The following CDH12 variants were observed in gnomAD, a reference collection of about 807,000 sequenced individuals.
CDH12 encodes the protein cadherin 12.
A neutral mutation model predicts 74.1 loss-of-function variants in CDH12; 41 were observed. The observed-to-expected ratio is 0.55, with a 90% CI of 0.43 to 0.72. The LOEUF (loss-of-function observed/expected upper bound fraction) is 0.72, where lower values mean the gene tolerates loss of function less well. Among genes scored for constraint, CDH12 ranks in the 30% least tolerant of loss-of-function variants. The probability of loss-of-function intolerance (pLI) is 0.00; values close to 1 mark genes in which losing one functional copy is unlikely to be tolerated. For synonymous variants in CDH12, 399 were observed against 355.0 expected, an observed-to-expected ratio of 1.12 and a Z score of -1.39; for missense variants, 945 against 977.2, an observed-to-expected ratio of 0.97 and a Z score of 0.44.
chr5:22,497,745 C>A (rs2126650448), intron 2 of CDH12, among the ~76,000 whole-genome samples: 1 of 140,914 alleles, frequency 7.1e-6, no homozygotes, highest in African/African-American at 2.6e-5. Context: ...GAGGTTCAAG[C>A]AATTCTCCTG....
At chr5:22,026,471 T>C (rs1476248985) in intron 5 of CDH12, among the ~76,000 whole-genome samples, 2 of 152,174 alleles carry the variant, frequency 1.3e-5, no homozygotes, top group Non-Finnish European at 2.9e-5. Flanking sequence ...ATTCCCATCA[T>C]GCACCTGATG....
At chr5:22,563,763 G>C (rs1739171331) in intron 1 of CDH12, among the ~76,000 whole-genome samples, 1 of 152,138 alleles carries the variant, frequency 6.6e-6, no homozygotes. Context: ...GGCTGGGGAG[G>C]CCCCACGATC....
intron 9 of CDH12, among the ~76,000 whole-genome samples, chr5:21,814,395 A>C (rs1747928594): frequency 6.6e-6 from 1 of 152,054 alleles, no homozygotes; most frequent in South Asian, 2.1e-4. Flanking sequence ...TATTGCTTTC[A>C]TGATAGTTGA....
At chr5:22,820,951 A>G (rs1749667460) in intron 1 of CDH12, among the ~76,000 whole-genome samples, 1 of 152,196 alleles carries the variant, frequency 6.6e-6, no homozygotes. Flanking sequence ...TTTTAGACCA[A>G]TACCCTTGAT....
intron 3 of CDH12, among the ~76,000 whole-genome samples, chr5:22,313,026 C>T (rs1489815378): frequency 6.6e-6 from 1 of 152,086 alleles, no homozygotes; most frequent in Non-Finnish European, 1.5e-5. Context: ...GTGAAGTGCA[C>T]GTTATCAGCA....
At chr5:22,622,277 G>A (rs145698587) in intron 1 of CDH12, among the ~76,000 whole-genome samples, 2 of 132,998 alleles carry the variant, frequency 1.5e-5, no homozygotes, top group African/African-American at 2.6e-5. Flanking sequence ...AGATGCAACC[G>A]AGAGGAACAT....
At chr5:22,806,387 C>G (rs1283942034) in intron 1 of CDH12, among the ~76,000 whole-genome samples, 12 of 141,394 alleles carry the variant, frequency 8.5e-5, no homozygotes, top group Middle Eastern at 4.3e-3. Flanking sequence ...GAGTCTCGCT[C>G]TGTGGCCCAG....
At chr5:22,223,303 T>C (rs1017182482) in intron 3 of CDH12, among the ~76,000 whole-genome samples, 1 of 152,052 alleles carries the variant, frequency 6.6e-6, no homozygotes, top group African/African-American at 2.4e-5. Flanking sequence ...AAGGTGTCTG[T>C]CAAGTTGCTC....
At chr5:22,120,648 T>C (rs1266339682) in intron 4 of CDH12, among the ~76,000 whole-genome samples, 1 of 152,170 alleles carries the variant, frequency 6.6e-6, no homozygotes, top group Admixed American at 6.5e-5. Context: ...TAAGTAAGAA[T>C]ATAATTTATA....
intron 1 of CDH12, among the ~76,000 whole-genome samples, chr5:22,682,162 C>G (rs1447956641): frequency 6.6e-6 from 1 of 152,030 alleles, no homozygotes; most frequent in Non-Finnish European, 1.5e-5. Flanking sequence ...TGTGCTAGAA[C>G]TTGTTCAATA....
intron 1 of CDH12, among the ~76,000 whole-genome samples, chr5:22,540,013 A>G (rs1461760135): frequency 6.6e-6 from 1 of 152,160 alleles, no homozygotes; most frequent in African/African-American, 2.4e-5. Context: ...CAATTTTCCT[A>G]TTGAATGTCA....
intron 1 of CDH12, among the ~76,000 whole-genome samples, chr5:22,677,368 T>C (rs1341269227): frequency 6.6e-6 from 1 of 152,046 alleles, no homozygotes; most frequent in Non-Finnish European, 1.5e-5. Context: ...GATTTCAAAA[T>C]GTAAAATTTT....
At chr5:22,586,702 T>G (rs1477823897) in intron 1 of CDH12, among the ~76,000 whole-genome samples, 1 of 151,996 alleles carries the variant, frequency 6.6e-6, no homozygotes, top group African/African-American at 2.4e-5. Flanking sequence ...AATATATTTT[T>G]TACTGTATCA....
chr5:22,728,415 C>T (rs1353018420), intron 1 of CDH12, among the ~76,000 whole-genome samples: 3 of 151,744 alleles, frequency 2.0e-5, no homozygotes, highest in South Asian at 2.1e-4. Flanking sequence ...TTGTTTCTTC[C>T]GGTAGTCATT....
intron 4 of CDH12, among the ~76,000 whole-genome samples, chr5:22,117,501 A>ATATT (rs1745229676): frequency 1.4e-5 from 1 of 70,892 alleles, no homozygotes; most frequent in African/African-American, 6.4e-5. Flanking sequence ...ATATATATAT[A>ATATT]ATATATATAT....
rs1756231019 is a variant in CDH12 at position 21,959,133 on chromosome 5, G to A, written c.526+15958C>T. ...GTTTATAGAAATGCTAGTGATTTTT[G>A]TACATTGATTTTCTTTCTAAAACTT... On this transcript the variant is annotated intron_variant, in intron 6 of 14. Coordinates refer to ENST00000382254, the MANE Select transcript of CDH12 (RefSeq NM_004061.5). 2.0e-5 allele frequency among the ~76,000 whole-genome samples: 3 copies of A among 152,306 alleles called. No homozygotes were observed. The South Asian group carries it at 6.2e-4, about 32-fold the overall frequency.
chr5:21,833,520 G>GATATGTAATATAATATATAAT (rs200475189), intron 8 of CDH12, among the ~76,000 whole-genome samples: 1 of 117,196 alleles, frequency 8.5e-6, no homozygotes, highest in African/African-American at 3.2e-5. Context: ...TGGCATATGT[G>GATATGTAATATAATATATAAT]ATATGTCATA....
At chr5:22,219,676 G>A (rs962220651) in intron 3 of CDH12, among the ~76,000 whole-genome samples, 4 of 151,594 alleles carry the variant, frequency 2.6e-5, no homozygotes, top group African/African-American at 9.7e-5. Context: ...TTGTAGTAAT[G>A]GTAAAATAAT....
intron 8 of CDH12, among the ~76,000 whole-genome samples, chr5:21,821,335 A>G (rs1748360042): frequency 6.6e-6 from 1 of 151,994 alleles, no homozygotes; most frequent in Non-Finnish European, 1.5e-5. Context: ...TTGACAAAAT[A>G]TAAATGAAGA....
Sources: gnomAD v4.1 joint callset for allele counts (sites outside exome capture counted in the v4.1 genomes callset) on GRCh38, gnomAD v4.1.1 for gene constraint, MANE v1.5 for transcripts, NCBI Gene and HGNC (gene_info 2026-07-23, HGNC 2026-07-21) for gene names.